The following MAD1L1 variants were observed in gnomAD, a reference collection of about 807,000 sequenced individuals.
MAD1L1 encodes mitotic spindle assembly checkpoint protein MAD1.
MAD1L1 carries 95 observed loss-of-function variants against 96.9 expected under a neutral mutation model. That is an observed-to-expected ratio of 0.98 (90% confidence interval 0.83 to 1.16). The LOEUF (loss-of-function observed/expected upper bound fraction) is 1.16. MAD1L1 is among the 50% of genes most tolerant of loss of function. MAD1L1 has a pLI of 0.00. For missense variants in MAD1L1, 1,007 were observed against 954.4 expected (o/e 1.06, Z -0.73); for synonymous variants, 473 against 396.6 (o/e 1.19, Z -2.29).
chr7:1,831,969 C>G (rs1177848078), intron 18 of MAD1L1, among the ~76,000 whole-genome samples: 1 of 152,218 alleles, frequency 6.6e-6, no homozygotes, highest in East Asian at 1.9e-4. Flanking sequence ...ACTGCTAACA[C>G]AGCATCCATC....
intron 11 of MAD1L1, among the ~76,000 whole-genome samples, chr7:2,125,023 C>T (rs895518897): frequency 6.6e-6 from 1 of 152,182 alleles, no homozygotes; most frequent in South Asian, 2.1e-4. Context: ...CTCTGCATCC[C>T]GGGCCCCTTC....
chr7:2,128,730 C>T (rs1420500047), intron 11 of MAD1L1, among the ~76,000 whole-genome samples: 1 of 152,184 alleles, frequency 6.6e-6, no homozygotes, highest in Non-Finnish European at 1.5e-5. Flanking sequence ...GCTCCCTCTG[C>T]CCTTCTCACC....
intron 16 of MAD1L1, among the ~76,000 whole-genome samples, chr7:1,951,380 C>T (rs1302914878): frequency 2.6e-5 from 4 of 152,174 alleles, no homozygotes; most frequent in African/African-American, 4.8e-5. Context: ...CCCTCCCGTC[C>T]GGGGTGTGGC....
intron 18 of MAD1L1, among the ~76,000 whole-genome samples, chr7:1,891,394 C>T (rs12667688): frequency 0.29 from 44,522 of 151,790 alleles, 7,858 homozygotes; most frequent in East Asian, 0.45. Flanking sequence ...GGTGTGGTGG[C>T]GCACCCCTGT....
intron 15 of MAD1L1, among the ~76,000 whole-genome samples, chr7:1,975,938 C>A (rs1780617476): frequency 6.6e-6 from 1 of 152,186 alleles, no homozygotes; most frequent in Non-Finnish European, 1.5e-5. Flanking sequence ...AATCTACAGG[C>A]AACATTTAGG....
intron 18 of MAD1L1, chr7:1,845,259 G>A (rs1322004382): frequency 6.6e-6 from 1 of 152,288 alleles, no homozygotes; most frequent in East Asian, 1.9e-4. Context: ...CCAGCGCTCC[G>A]GAGGGAGACT....
chr7:2,066,687 G>A (rs1784888846), intron 12 of MAD1L1, among the ~76,000 whole-genome samples: 2 of 152,188 alleles, frequency 1.3e-5, no homozygotes, highest in Admixed American at 1.3e-4. Flanking sequence ...AGAAGGCTGC[G>A]GGGCTCCACT....
intron 11 of MAD1L1, among the ~76,000 whole-genome samples, chr7:2,139,793 TC>T (rs1201920146): frequency 1.3e-5 from 2 of 151,994 alleles, no homozygotes; most frequent in Non-Finnish European, 2.9e-5. Context: ...GGACCACACT[TC>T]CCCCGACCCT....
At chr7:1,922,773 T>G (rs893623354) in intron 17 of MAD1L1, among the ~76,000 whole-genome samples, 9 of 152,230 alleles carry the variant, frequency 5.9e-5, no homozygotes, top group African/African-American at 2.2e-4. Flanking sequence ...AGATGCTCTT[T>G]GGCAAACTTG....
At chr7:1,864,712 G>T (rs796076948) in intron 18 of MAD1L1, among the ~76,000 whole-genome samples, 3 of 152,196 alleles carry the variant, frequency 2.0e-5, no homozygotes, top group Admixed American at 2.0e-4. Context: ...GTGTTTGGCC[G>T]TGAGGGTGGG....
intron 11 of MAD1L1, chr7:2,080,030 C>G: frequency 3.4e-6 from 1 of 296,694 alleles, no homozygotes; most frequent in Non-Finnish European, 6.5e-6. Flanking sequence ...CCTGTCAGCG[C>G]TGGCTGCCTG....
rs1783149011 is a variant in MAD1L1, at chr7:1,839,864, C to T, written c.1999-23636G>A. Among the ~76,000 whole-genome samples, 7 of 151,896 alleles carry T rather than the reference C, an allele frequency of 4.6e-5. No individual in the cohort carries two copies. The South Asian group carries it at 1.5e-3, about 32-fold the overall frequency. ...ACCAGGTCAGCAAGCCACAGGTCCACCCACGGCCAGGGCCCAGGCTCCCCG... is the reference window on the plus strand; with the variant it reads ...ACCAGGTCAGCAAGCCACAGGTCCATCCACGGCCAGGGCCCAGGCTCCCCG... On this transcript the variant is annotated intron_variant, in intron 18 of 18. Transcript: ENST00000265854.
intron 10 of MAD1L1, among the ~76,000 whole-genome samples, chr7:2,183,784 G>A (rs193289063): frequency 6.6e-6 from 1 of 152,046 alleles, no homozygotes; most frequent in Admixed American, 6.5e-5. Flanking sequence ...GACAGCATTA[G>A]GAGATATACC....
intron 12 of MAD1L1, among the ~76,000 whole-genome samples, chr7:2,024,526 T>C (rs1193555265): frequency 6.6e-6 from 1 of 152,182 alleles, no homozygotes; most frequent in African/African-American, 2.4e-5. Flanking sequence ...TCAACTCCCA[T>C]AGAAACTCCA....
rs1413285324 is a variant in MAD1L1 at position 2,210,309 on chromosome 7, A to C, written c.986+2903T>G. Among the ~76,000 whole-genome samples, 3 of 152,122 alleles carry C rather than the reference A, an allele frequency of 2.0e-5. 1 individual carries two copies. Among genetic ancestry groups the C allele is most frequent in the Middle Eastern group, 3.2e-3 (1 of 316 alleles). On this transcript the variant is annotated intron_variant, in intron 10 of 18. Transcript: ENST00000265854. ...TGATCTCAAACATCTAGGCTCGAGC[A>C]ATCCCCCTGCGGCAGCCTCCCAAAC... is the stretch of plus-strand genomic sequence containing the variant.
intron 11 of MAD1L1, among the ~76,000 whole-genome samples, chr7:2,108,554 A>G (rs573008001): frequency 1.8e-4 from 27 of 152,360 alleles, no homozygotes; most frequent in Admixed American, 1.2e-3. Flanking sequence ...TTTCAAATGA[A>G]CATCTGTGTT....
chr7:1,848,699 C>T (rs557165306), intron 18 of MAD1L1: 2 of 154,554 alleles, frequency 1.3e-5, no homozygotes, highest in Admixed American at 1.3e-4. Context: ...TCTGTCTGAC[C>T]TGCTCTGGAA....
chr7:2,143,097 C>G (rs534797788), intron 11 of MAD1L1, among the ~76,000 whole-genome samples: 6 of 152,198 alleles, frequency 3.9e-5, no homozygotes, highest in Admixed American at 2.6e-4. Flanking sequence ...ATGACAAGGA[C>G]TAGCTAAAAA....
At chr7:2,059,694 G>T (rs1035714489) in intron 12 of MAD1L1, among the ~76,000 whole-genome samples, 1 of 150,914 alleles carries the variant, frequency 6.6e-6, no homozygotes, top group African/African-American at 2.4e-5. Context: ...GCAGGGAAGC[G>T]TAGCCAGGGG....
Sources: allele counts gnomAD v4.1 joint callset (sites outside exome capture counted in the v4.1 genomes callset), GRCh38; gene constraint gnomAD v4.1.1; transcripts MANE v1.5; gene names NCBI Gene and HGNC (gene_info 2026-07-23, HGNC 2026-07-21).